The following DHX58 variants were observed in gnomAD, a reference collection of about 807,000 sequenced individuals.
DHX58 encodes the protein ATP-dependent RNA helicase DHX58.
Under a neutral mutation model 65.0 loss-of-function variants are expected in DHX58, and 51 were observed. That is an observed-to-expected ratio of 0.78 (90% CI 0.63 to 0.99). The LOEUF (loss-of-function observed/expected upper bound fraction) is 0.99. Among genes scored for constraint, DHX58 ranks in the 50% least tolerant of loss-of-function variants. The pLI, the probability that DHX58 is intolerant of heterozygous loss-of-function variation, is 0.00. For synonymous variants in DHX58, 350 were observed against 365.0 expected (o/e 0.96, Z 0.47); for missense variants, 773 against 891.8 (o/e 0.87, Z 1.70).
chr17:42,105,544 G>A (rs1401169528), intron 9 of DHX58, among the ~76,000 whole-genome samples, 192 bp downstream of exon 9: 2 of 152,094 alleles, frequency 1.3e-5, no homozygotes, highest in African/African-American at 4.8e-5. Flanking sequence ...CAGACTGGGA[G>A]AGGCTCCAGC....
Position 42,101,696 on chromosome 17 carries a change from C to A in DHX58, c.*65G>T, listed in dbSNP as rs2053979789. The A allele has an allele frequency of 6.4e-7, 1 of 1,566,422 alleles. No homozygotes were observed. The highest frequency in any genetic ancestry group is 1.7e-5 in the Admixed American group (1 of 58,084). ...AGCTGATGATTCAGGAAGGAGGGGC[C>A]TGGAGTCTGCTGCAGACTCTCCCGC... is the stretch of plus-strand genomic sequence containing the variant. On this transcript the variant is annotated 3_prime_UTR_variant, in exon 14 of 14. Transcript: ENST00000251642.
intron 11 of DHX58, 89 bp downstream of exon 11, chr17:42,104,677 G>C (rs1473160005): frequency 2.0e-6 from 3 of 1,528,050 alleles, no homozygotes; most frequent in African/African-American, 1.4e-5. Flanking sequence ...AGAGGGGACA[G>C]GGGGACGTAT....
chr17:42,101,873 G>T lies in DHX58; in HGVS notation c.1925C>A (p.Thr642Asn). 1 of 1,614,250 alleles carries T rather than the reference G, an allele frequency of 6.2e-7. No individual in the cohort carries two copies. The highest frequency in any genetic ancestry group is 8.5e-7 in the Non-Finnish European group (1 of 1,180,048). Residue 642 changes from threonine (T) to asparagine (N), a missense_variant, in exon 14 of 14, where the codon ACC (threonine) becomes AAC (asparagine). Thr to Asn is a moderately conservative substitution (Grantham distance 65). Coordinates refer to ENST00000251642, the MANE Select transcript of DHX58 (RefSeq NM_024119.3). ...VLKVRSMLLE[T>N]PQGRIQAKKW... ...TTTGGCCTGGATCCGCCCCTGAGGG[G>T]TCTCCAGCAGCATGCTGCGGACTTT...
intron 12 of DHX58, 79 bp downstream of exon 12, chr17:42,103,528 CT>C: frequency 1.3e-6 from 2 of 1,538,846 alleles, no homozygotes; most frequent in Non-Finnish European, 1.8e-6. Context: ...TGCTCTTTAG[CT>C]TCCCAAAGCT....
chr17:42,109,259 C>A lies in DHX58; in HGVS notation c.678+11G>T. 6.2e-7 allele frequency: 1 copy of A among 1,606,170 alleles called. No individual in the cohort carries two copies. The highest frequency in any genetic ancestry group is 1.7e-5 in the Admixed American group (1 of 59,360). ...GGCTCCCGCTCTCGCCGTGTCCCTG[C>A]CCCCGCGTACCTGGCTGCGCCTGTG... On this transcript the variant is annotated intron_variant, in intron 6 of 13. Transcript: ENST00000251642.
At position 42,107,979 on chromosome 17, in the gene DHX58, C is replaced by G; in HGVS notation, c.805+3G>C. The G allele has an allele frequency of 6.2e-7, 1 of 1,614,164 alleles. No homozygotes were observed. Among genetic ancestry groups the G allele is most frequent in the East Asian group, 2.2e-5 (1 of 44,884 alleles). On this transcript the variant is annotated splice_donor_region_variant and intron_variant, in intron 7 of 13. Coordinates refer to ENST00000251642, the MANE Select transcript of DHX58 (RefSeq NM_024119.3). ...CCTCCGCCAGAAGGGCTGCCCCTCT[C>G]ACCAGCCTCACTCAGCTTCACCACC...
At chr17:42,111,042 G>A in intron 4 of DHX58, 129 bp from the exon 5 acceptor site, 1 of 1,162,462 alleles carries the variant, frequency 8.6e-7, no homozygotes, top group Non-Finnish European at 1.2e-6. Context: ...GTCCCAGGAT[G>A]AGGAGCCAGG....
chr17:42,102,142 G>A, intron 13 of DHX58, 74 bp downstream of exon 13: 1 of 1,554,862 alleles, frequency 6.4e-7, no homozygotes, highest in Non-Finnish European at 8.9e-7. Flanking sequence ...CCGTGTCCTA[G>A]TGAGGGCTCC....
chr17:42,107,963 G>A lies in DHX58; in HGVS notation c.805+19C>T, dbSNP rs781878338. The A allele has an allele frequency of 1.9e-6, 3 of 1,613,772 alleles. No homozygotes were observed. Among genetic ancestry groups the A allele is most frequent in the African/African-American group, 1.3e-5 (1 of 74,902 alleles). ...CACTCCCACATCCTCGCCTCCGCCAGAAGGGCTGCCCCTCTCACCAGCCTC... is the reference window on the plus strand; with the variant it reads ...CACTCCCACATCCTCGCCTCCGCCAAAAGGGCTGCCCCTCTCACCAGCCTC... On this transcript the variant is annotated intron_variant, in intron 7 of 13. Transcript: ENST00000251642.
Position 42,110,784 on chromosome 17 carries a change from G to T in DHX58, c.500C>A (p.Thr167Lys). The change falls in exon 5 of 14, where the codon ACA becomes AAA. Residue 167 changes from threonine (T) to lysine (K), a missense_variant. Coordinates refer to ENST00000251642, the MANE Select transcript of DHX58 (RefSeq NM_024119.3). ...AQPLPQVLGLTASPGTGGASK... is the reference protein window; with the variant it reads ...AQPLPQVLGLKASPGTGGASK... ...GGCCCCGCCAGTGCCTGGGGAGGCT[G>T]TGAGACCCAGCACCTGGGGTAGCGG... The T allele has an allele frequency of 6.2e-7, 1 of 1,613,690 alleles. No homozygotes were observed. Among genetic ancestry groups the T allele is most frequent in the South Asian group, 1.1e-5 (1 of 91,020 alleles).
At chr17:42,112,082 A>C in intron 2 of DHX58, 31 bp downstream of exon 2, 1 of 680,736 alleles carries the variant, frequency 1.5e-6, no homozygotes, top group Non-Finnish European at 2.3e-6. Flanking sequence ...AACACAGGCT[A>C]CACCTGCCCC....
At chr17:42,106,033 C>T in intron 8 of DHX58, 44 bp from the exon 9 acceptor site, 10 of 1,579,434 alleles carry the variant, frequency 6.3e-6, no homozygotes, top group Non-Finnish European at 8.6e-6. Flanking sequence ...TGGCACATGT[C>T]TGTAGTCCCA....
chr17:42,107,452 C>G, intron 8 of DHX58, 152 bp downstream of exon 8: 1 of 822,950 alleles, frequency 1.2e-6, no homozygotes, highest in Non-Finnish European at 1.8e-6. Context: ...ATCAGTCCTA[C>G]CCATGGCCTT....
chr17:42,107,313 C>CTA (rs1282505048), intron 8 of DHX58, among the ~76,000 whole-genome samples: 8 of 150,402 alleles, frequency 5.3e-5, no homozygotes, highest in Admixed American at 2.0e-4. Flanking sequence ...TTGCAGTGAG[C>CTA]TATGATTGCA....
chr17:42,110,431 C>A (rs562086786), intron 5 of DHX58, among the ~76,000 whole-genome samples: 1 of 152,266 alleles, frequency 6.6e-6, no homozygotes, highest in Non-Finnish European at 1.5e-5. Context: ...ACATGTTCAA[C>A]ATGCAGAAGG....
At chr17:42,109,467 G>A in intron 5 of DHX58, 81 bp from the exon 6 acceptor site, 1 of 1,174,548 alleles carries the variant, frequency 8.5e-7, no homozygotes, top group Non-Finnish European at 1.2e-6. Context: ...ATGGATCCCA[G>A]CTGAGGACAG....
At chr17:42,104,987 A>C in intron 10 of DHX58, 31 bp downstream of exon 10, 1 of 1,612,368 alleles carries the variant, frequency 6.2e-7, no homozygotes, top group South Asian at 1.1e-5. Context: ...GGATCCTATA[A>C]GGGCGGCTGA....
intron 8 of DHX58, among the ~76,000 whole-genome samples, chr17:42,107,120 G>A (rs1555662841): frequency 6.6e-6 from 1 of 152,176 alleles, no homozygotes; most frequent in African/African-American, 2.4e-5. Context: ...CCAGCACTTT[G>A]GGAGGCAGAG....
chr17:42,111,774 C>T lies in DHX58; in HGVS notation c.119G>A (p.Arg40Gln), dbSNP rs782382070. ...KTRAAAYVAK[R>Q]HLETVDGAKV... The stretch of plus-strand genomic sequence containing the variant: ...GGCTCCATCCACAGTCTCTAGGTGC[C>T]GCTTGGCCACATAAGCAGCCGCCCG... Residue 40 changes from arginine to glutamine, a missense_variant, in exon 3 of 14, where the codon CGG becomes CAG. Transcript: ENST00000251642. 29 of 1,613,968 alleles carry T rather than the reference C, an allele frequency of 1.8e-5. No individual in the cohort carries two copies. Among genetic ancestry groups the T allele is most frequent in the Middle Eastern group, 1.6e-4 (1 of 6,084 alleles).
Sources: gnomAD v4.1 joint callset for allele counts (sites outside exome capture counted in the v4.1 genomes callset) on GRCh38, gnomAD v4.1.1 for gene constraint, MANE v1.5 for transcripts, NCBI Gene and HGNC (gene_info 2026-07-23, HGNC 2026-07-21) for gene names.